Variants in INTS11 observed in about 807,000 individuals in gnomAD.
INTS11 encodes the protein CPSF3-like protein.
INTS11 carries 77 observed loss-of-function variants against 78.6 expected under a neutral mutation model. The ratio of observed to expected loss-of-function variants is 0.98; its 90% confidence interval spans 0.81 to 1.18. The LOEUF is 1.18. INTS11 is among the 50% of genes most tolerant of loss of function. The pLI is 0.00. For synonymous variants in INTS11, 441 were observed against 326.9 expected (o/e 1.35, Z -3.77); for missense variants, 875 against 825.9 (o/e 1.06, Z -0.73).
rs1259107717 is a variant in INTS11 at position 1,315,634 on chromosome 1, C to G, written c.430-16G>C. ...CATCATCTACCTGTGGAGGACAGGG[C>G]TGCGCTCAGGCTGTGTCCTCACAGC... is the stretch of plus-strand genomic sequence containing the variant. On this transcript the variant is annotated splice_polypyrimidine_tract_variant and intron_variant, in intron 4 of 16. Transcript: ENST00000435064. 1 of 1,578,582 alleles carries G rather than the reference C, an allele frequency of 6.3e-7. No homozygotes were observed. The highest frequency in any genetic ancestry group is 1.7e-5 in the Admixed American group (1 of 58,628).
chr1:1,314,808 C>A lies in INTS11; in HGVS notation c.702+16G>T, dbSNP rs201072145. On this transcript the variant is annotated intron_variant, in intron 7 of 16. Transcript: ENST00000435064. This position sits in a 1 kb window ranked among gnomAD's most constrained non-coding sequence, Gnocchi z 4.2. The stretch of plus-strand genomic sequence containing the variant: ...GCATGGCCGAGGGCCCATGTCCCCA[C>A]CCCTGCTGCAGCTACCTTCCCACCA... 4.7e-5 allele frequency: 75 copies of A among 1,606,366 alleles called. No individual in the cohort carries two copies. In the East Asian group the frequency reaches 1.6e-3, roughly 35 times the overall value.
At chr1:1,322,789 T>A in intron 1 of INTS11, 1 of 689,566 alleles carries the variant, frequency 1.5e-6, no homozygotes, top group Non-Finnish European at 1.8e-6. Context: ...GGCGTGGGAG[T>A]GACCCCAAGG....
intron 4 of INTS11, chr1:1,318,626 G>A (rs1264089190): frequency 1.3e-5 from 5 of 390,964 alleles, no homozygotes; most frequent in Non-Finnish European, 2.3e-5. Context: ...CTCCAGCCTG[G>A]GTAACAAAGT....
intron 1 of INTS11, chr1:1,322,964 A>AAGATCAGAT: frequency 7.4e-7 from 1 of 1,357,670 alleles, no homozygotes; most frequent in East Asian, 2.7e-5. Flanking sequence ...AAAGATCAGA[A>AAGATCAGAT]AGATCAGATG....
At position 1,312,213 on chromosome 1, in the gene INTS11, G is replaced by GGGGCCCCCCCCCCCCCCCC; in HGVS notation, c.1607+12_1607+13insGGGGGGGGGGGGGGGGCCC. On this transcript the variant is annotated intron_variant, in intron 15 of 16. Coordinates refer to ENST00000435064, the MANE Select transcript of INTS11 (RefSeq NM_017871.6). ...CCCAAGGGAGTGGGGGGGGGGCGGG[G>GGGGCCCCCCCCCCCCCCCC]CCGGGCGCCCACCTCTTGAGGTGGC... 6.4e-6 allele frequency: 6 copies of GGGGCCCCCCCCCCCCCCCC among 934,506 alleles called. No individual in the cohort carries two copies. The highest frequency in any genetic ancestry group is 9.4e-6 in the Non-Finnish European group (6 of 636,582). The allele number at this position is 934,506 out of a possible 1,614,324, so 57.9% of individuals were successfully genotyped here.
intron 1 of INTS11, among the ~76,000 whole-genome samples, chr1:1,324,133 G>GGGCTGGGGGGCTGGGAGGCTGAGA (rs1643167093): frequency 1.9e-5 from 2 of 103,896 alleles, no homozygotes; most frequent in Non-Finnish European, 4.3e-5. Context: ...CGGGGCTGAG[G>GGGCTGGGGGGCTGGGAGGCTGAGA]GGCTGGGGGG....
At chr1:1,315,107 G>A in intron 6 of INTS11, 145 bp from the exon 7 acceptor site, 1 of 1,040,166 alleles carries the variant, frequency 9.6e-7, no homozygotes, top group Non-Finnish European at 1.4e-6. Context: ...AAAATGCTGT[G>A]GGCAGCACAC....
In INTS11 at chr1:1,320,445, CA is replaced by C; in HGVS notation, c.200+10del. The C allele has an allele frequency of 6.2e-7, 1 of 1,613,594 alleles. No individual in the cohort carries two copies. Among genetic ancestry groups the C allele is most frequent in the South Asian group, 1.1e-5 (1 of 91,072 alleles). On this transcript the variant is annotated intron_variant, in intron 3 of 16. Transcript: ENST00000435064. Reference sequence around the variant, plus strand: ...GACATGGGACCCTCAAGGCCCCCAACAGGAACCCACCTAATGATCACACAGT... The same window carrying C: ...GACATGGGACCCTCAAGGCCCCCAACGGAACCCACCTAATGATCACACAGT...
At position 1,313,718 on chromosome 1, in the gene INTS11, G is replaced by A. The variant is rs367770919; in HGVS notation, c.957+14C>T. On this transcript the variant is annotated intron_variant, in intron 9 of 16. Coordinates refer to ENST00000435064, the MANE Select transcript of INTS11 (RefSeq NM_017871.6). The stretch of plus-strand genomic sequence containing the variant: ...GGGTGTGGATGTGCTGGCCGGCCCT[G>A]CCGCGGGCCTCACCATCGGTCCTGG... 1.5e-5 allele frequency: 24 copies of A among 1,610,884 alleles called. No individual in the cohort carries two copies. The Middle Eastern group carries it at 2.1e-3, about 144-fold the overall frequency.
In INTS11 at chr1:1,313,092, G is replaced by A. The variant is rs751228573; in HGVS notation, c.1074C>T (p.Thr358=). ...VIMPGYCVQG[T]VGHKILSGQR... is the part of the protein sequence containing the mutation. ...GCCCGCTGAGGATCTTGTGGCCGAC[G>A]GTGCCCTGCACGCAGTAGCCGGGCA... Residue 358 remains threonine (T), a synonymous_variant, in exon 11 of 17, where the codon ACC becomes ACT. Coordinates refer to ENST00000435064, the MANE Select transcript of INTS11 (RefSeq NM_017871.6). 10 of 1,608,964 alleles carry A rather than the reference G, an allele frequency of 6.2e-6. No individual in the cohort carries two copies. The highest frequency in any genetic ancestry group is 2.2e-5 in the East Asian group (1 of 44,872).
intron 10 of INTS11, 128 bp downstream of exon 10, chr1:1,313,381 C>CCAT (rs1553167331): frequency 9.0e-7 from 1 of 1,114,026 alleles, no homozygotes; most frequent in Non-Finnish European, 1.3e-6. Context: ...CCCCCGTTCC[C>CCAT]CAGCAGCAGC....
intron 6 of INTS11, 86 bp from the exon 7 acceptor site, chr1:1,315,048 A>C (rs1442845642): frequency 6.6e-6 from 10 of 1,518,562 alleles, no homozygotes; most frequent in Non-Finnish European, 8.1e-6. Context: ...CCCCAGTACC[A>C]CGCCCAGCCG....
At position 1,314,995 on chromosome 1, in the gene INTS11, T is replaced by G. The variant is rs372914859; in HGVS notation, c.564-33A>C. 6.2e-7 allele frequency: 1 copy of G among 1,605,280 alleles called. No individual in the cohort carries two copies. The highest frequency in any genetic ancestry group is 8.5e-7 in the Non-Finnish European group (1 of 1,173,822). ...ACGGGGGTGGGGGTGTGAGCCACGATGCACTGTCCCCACGGTTGCAGGGCT... is the reference window on the plus strand; with the variant it reads ...ACGGGGGTGGGGGTGTGAGCCACGAGGCACTGTCCCCACGGTTGCAGGGCT... On this transcript the variant is annotated intron_variant, in intron 6 of 16. Transcript: ENST00000435064. This position sits in a 1 kb window ranked among gnomAD's most constrained non-coding sequence, Gnocchi z 4.2.
chr1:1,315,008 C>G (rs550814894), intron 6 of INTS11, 46 bp from the exon 7 acceptor site: 6 of 1,595,538 alleles, frequency 3.8e-6, no homozygotes, highest in Non-Finnish European at 5.1e-6. Flanking sequence ...ACTGTCCCCA[C>G]GGTTGCAGGG....
In INTS11 at chr1:1,324,604, G is replaced by A. The variant is rs917339744; in HGVS notation, c.5C>T (p.Pro2Leu). M[P>L]EIRVTPLGAG... is the part of the protein sequence containing the mutation. Reference sequence around the variant, plus strand: ...ACCCAAGGGCGTGACTCTGATCTCAGGCATCGTCTCCGCCGCGCTCCCGGA... The same window carrying A: ...ACCCAAGGGCGTGACTCTGATCTCAAGCATCGTCTCCGCCGCGCTCCCGGA... Residue 2 changes from proline (P) to leucine (L), a missense_variant, in exon 1 of 17, where the codon CCT becomes CTT. By Grantham distance (98) the Pro-to-Leu change is moderately conservative. Coordinates refer to ENST00000435064, the MANE Select transcript of INTS11 (RefSeq NM_017871.6). The A allele has an allele frequency of 5.6e-6, 9 of 1,598,876 alleles. No homozygotes were observed. The highest frequency in any genetic ancestry group is 1.7e-5 in the Admixed American group (1 of 59,024).
chr1:1,314,641 G>A lies in INTS11; in HGVS notation c.702+183C>T, dbSNP rs1194454244. On this transcript the variant is annotated intron_variant, in intron 7 of 16. Coordinates refer to ENST00000435064, the MANE Select transcript of INTS11 (RefSeq NM_017871.6). The surrounding 1 kb of genome is among the most constrained non-coding windows in gnomAD (Gnocchi z 4.2). The stretch of plus-strand genomic sequence containing the variant: ...GCACCTGAGGTAGGAGGGAAAAGGG[G>A]CTCCCTAGGAAAGGGTCTCTGAGTT... The A allele has an allele frequency of 7.7e-6, 6 of 778,968 alleles. No individual in the cohort carries two copies. Among genetic ancestry groups the A allele is most frequent in the Non-Finnish European group, 1.0e-5 (5 of 496,202 alleles). 48.3% of individuals were successfully genotyped at this position (778,968 alleles called of 1,614,324 possible). A position where few individuals can be genotyped will look rare whatever the true frequency, so the allele number is the denominator to read the frequency against.
Position 1,312,588 on chromosome 1 carries a change from C to T in INTS11, c.1402+5G>A. On this transcript the variant is annotated splice_donor_5th_base_variant and intron_variant, in intron 13 of 16. Coordinates refer to ENST00000435064, the MANE Select transcript of INTS11 (RefSeq NM_017871.6). ...ACCCTGCCCTGCCCTGCCCAGCCCG[C>T]ATACCCTGCGCCATCTCCCGCTTCA... 4 of 1,572,578 alleles carry T rather than the reference C, an allele frequency of 2.5e-6. No homozygotes were observed. The highest frequency in any genetic ancestry group is 3.5e-6 in the Non-Finnish European group (4 of 1,154,996).
intron 3 of INTS11, 165 bp downstream of exon 3, chr1:1,320,291 T>C: frequency 1.5e-6 from 1 of 672,870 alleles, no homozygotes. Context: ...CCAGGCCATG[T>C]GTGTGACCAG....
chr1:1,312,526 T>C, intron 13 of INTS11, 25 bp from the exon 14 acceptor site: 3 of 1,585,292 alleles, frequency 1.9e-6, no homozygotes, highest in Non-Finnish European at 2.6e-6. Context: ...GCAGGAGCCA[T>C]CAATGTGAGG....
Sources: allele counts gnomAD v4.1 joint callset (sites outside exome capture counted in the v4.1 genomes callset), GRCh38; gene constraint gnomAD v4.1.1; non-coding constraint Gnocchi (gnomAD v3.1); transcripts MANE v1.5; gene names NCBI Gene and HGNC (gene_info 2026-07-23, HGNC 2026-07-21).